The following PCDHA2 variants were observed in gnomAD, a reference collection of about 807,000 sequenced individuals.
PCDHA2 encodes protocadherin alpha-2.
A neutral mutation model predicts 66.0 loss-of-function variants in PCDHA2; 58 were observed. That is an observed-to-expected ratio of 0.88 (90% confidence interval 0.71 to 1.09). PCDHA2 has a LOEUF of 1.09. Ranked by LOEUF, PCDHA2 falls within the 50% of genes least tolerant of loss-of-function variation. The pLI is 0.00. For missense variants in PCDHA2, 1,267 were observed against 1,242.3 expected, an observed-to-expected ratio of 1.02 and a Z score of -0.30; for synonymous variants, 634 against 554.0, an observed-to-expected ratio of 1.14 and a Z score of -2.03.
chr5:140,823,876 A>T lies in PCDHA2; in HGVS notation c.2388+26524A>T, dbSNP rs1311118204. The T allele has an allele frequency of 6.2e-7, 1 of 1,613,886 alleles. No homozygotes were observed. Among genetic ancestry groups the T allele is most frequent in the Non-Finnish European group, 8.5e-7 (1 of 1,179,914 alleles). On this transcript the variant is annotated intron_variant, in intron 1 of 3. Transcript: ENST00000526136. ...GGTGGATGTCAACGTGTACCTGATC[A>T]TCGCCATCTGTGCGGTGTCCAGCCT...
At chr5:140,836,331 C>A (rs2150258002) in intron 1 of PCDHA2, 4 of 1,613,758 alleles carry the variant, frequency 2.5e-6, no homozygotes, top group South Asian at 1.1e-5. Flanking sequence ...CCTTCTGGTG[C>A]TTGTGAAGGA....
chr5:140,824,274 A>C, intron 1 of PCDHA2: 1 of 1,155,556 alleles, frequency 8.7e-7, no homozygotes, highest in Middle Eastern at 2.0e-4. Context: ...CATGTATTAT[A>C]TGCTTTTTAT....
chr5:140,808,329 T>A (rs781960345), intron 1 of PCDHA2: 1 of 1,614,258 alleles, frequency 6.2e-7, no homozygotes, highest in South Asian at 1.1e-5. Flanking sequence ...GACATGGGTG[T>A]CAATGGGCTG....
At chr5:140,927,903 C>T in intron 1 of PCDHA2, 1 of 1,614,158 alleles carries the variant, frequency 6.2e-7, no homozygotes, top group South Asian at 1.1e-5. Flanking sequence ...ACGATCATGC[C>T]CCCGAACTGG....
chr5:140,938,293 C>T (rs896897734), intron 1 of PCDHA2, among the ~76,000 whole-genome samples: 2 of 152,110 alleles, frequency 1.3e-5, no homozygotes, highest in African/African-American at 4.8e-5. Flanking sequence ...CTGTCATTGC[C>T]TATGAAATTC....
intron 1 of PCDHA2, chr5:140,843,060 T>C: frequency 1.3e-6 from 2 of 1,595,188 alleles, no homozygotes; most frequent in Non-Finnish European, 1.7e-6. Context: ...GCGAGCAAGC[T>C]GGTGCCGCGG....
chr5:140,796,372 C>G lies in PCDHA2; in HGVS notation c.1408C>G (p.Pro470Ala). Residue 470 changes from proline (P) to alanine (A), a missense_variant, in exon 1 of 4, where the codon CCG becomes GCG. Coordinates refer to ENST00000526136, the MANE Select transcript of PCDHA2 (RefSeq NM_018905.3). ...YTVFVKENNP[P>A]GCHIFTVSAW... ...AGTATTCGTGAAGGAGAACAACCCG[C>G]CGGGCTGCCACATCTTCACGGTGTC... is the stretch of plus-strand genomic sequence containing the variant. 6.2e-7 allele frequency: 1 copy of G among 1,614,036 alleles called. No homozygotes were observed. Among genetic ancestry groups the G allele is most frequent in the Non-Finnish European group, 8.5e-7 (1 of 1,179,978 alleles).
In PCDHA2 at chr5:140,887,388, G is replaced by A. The variant is rs138166374; in HGVS notation, c.2388+90036G>A. ...TGGGATTACAGGTGTGAGCCACCGC[G>A]CCCGGCTCTTTATCTCATTTTTATT... is the stretch of plus-strand genomic sequence containing the variant. On this transcript the variant is annotated intron_variant, in intron 1 of 3. Transcript: ENST00000526136. 5.8e-3 allele frequency among the ~76,000 whole-genome samples: 888 copies of A among 152,192 alleles called. 10 individuals carry two copies. The highest frequency in any genetic ancestry group is 0.019 in the African/African-American group (805 of 41,536).
chr5:140,827,890 T>G, intron 1 of PCDHA2: 1 of 710,840 alleles, frequency 1.4e-6, no homozygotes, highest in Non-Finnish European at 2.3e-6. Context: ...ATTGATTTCT[T>G]ACCTTTTGGA....
intron 1 of PCDHA2, chr5:140,968,773 A>G (rs528972800): frequency 4.3e-6 from 7 of 1,614,206 alleles, no homozygotes; most frequent in Non-Finnish European, 5.1e-6. Flanking sequence ...GAGAGCCATC[A>G]CTATCAGCCT....
intron 1 of PCDHA2, chr5:140,966,328 C>T: frequency 5.1e-6 from 2 of 392,484 alleles, no homozygotes; most frequent in Non-Finnish European, 9.0e-6. Context: ...CGCTGGGATC[C>T]GGCAGGTCCA....
At chr5:140,801,276 G>C (rs1554121348) in intron 1 of PCDHA2, 1 of 1,613,640 alleles carries the variant, frequency 6.2e-7, no homozygotes, top group East Asian at 2.2e-5. Context: ...CTCGGAGGTG[G>C]GGAGCGGCCA....
At chr5:140,850,249 T>TGGGC in intron 1 of PCDHA2, 1 of 1,593,502 alleles carries the variant, frequency 6.3e-7, no homozygotes, top group Non-Finnish European at 8.6e-7. Context: ...CTGCGGTCGG[T>TGGGC]GGGCGCCGGC....
intron 1 of PCDHA2, among the ~76,000 whole-genome samples, chr5:140,960,819 G>A (rs1287793882): frequency 1.3e-5 from 2 of 152,146 alleles, no homozygotes; most frequent in Admixed American, 6.5e-5. Context: ...CCCAAGTGAT[G>A]AATGGAAACT....
chr5:140,908,169 C>T (rs1361651305), intron 1 of PCDHA2, among the ~76,000 whole-genome samples: 2 of 152,192 alleles, frequency 1.3e-5, no homozygotes, highest in African/African-American at 4.8e-5. Context: ...TGTAGTGCTG[C>T]AGCTGTCCAC....
chr5:140,997,046 T>C (rs2097756944), intron 3 of PCDHA2, among the ~76,000 whole-genome samples: 1 of 152,176 alleles, frequency 6.6e-6, no homozygotes, highest in Admixed American at 6.5e-5. Flanking sequence ...AACTTTACTT[T>C]TTAGAGCAGT....
intron 1 of PCDHA2, among the ~76,000 whole-genome samples, chr5:140,913,185 G>A (rs1331767738): frequency 2.6e-5 from 4 of 152,166 alleles, no homozygotes; most frequent in African/African-American, 9.7e-5. Flanking sequence ...TAAATGTTTG[G>A]TAGAATTTGG....
At chr5:140,883,138 A>G (rs967946520) in intron 1 of PCDHA2, 3 of 1,614,120 alleles carry the variant, frequency 1.9e-6, no homozygotes, top group Non-Finnish European at 2.5e-6. Flanking sequence ...CTGCAGTGGT[A>G]TATGCATTTA....
At chr5:140,863,029 G>C (rs782621997) in intron 1 of PCDHA2, 1 of 556,606 alleles carries the variant, frequency 1.8e-6, no homozygotes, top group Non-Finnish European at 3.5e-6. Context: ...TGTCGCAACA[G>C]CTGCATCTGT....
Sources: allele counts gnomAD v4.1 joint callset (sites outside exome capture counted in the v4.1 genomes callset), GRCh38; gene constraint gnomAD v4.1.1; transcripts MANE v1.5; gene names NCBI Gene and HGNC (gene_info 2026-07-23, HGNC 2026-07-21).